The following PCDH9 variants were observed in gnomAD, a reference collection of about 807,000 sequenced individuals.
PCDH9 encodes protocadherin-9.
A neutral mutation model predicts 70.6 loss-of-function variants in PCDH9; 24 were observed. That is an observed-to-expected ratio of 0.34 (90% CI 0.25 to 0.48). The LOEUF (loss-of-function observed/expected upper bound fraction) is 0.48, where lower values mean the gene tolerates loss of function less well. PCDH9 is among the 20% of genes least tolerant of loss of function. The pLI is 0.99. For missense variants in PCDH9, 1,281 were observed against 1,503.6 expected (o/e 0.85, Z 2.45); for synonymous variants, 562 against 558.5 (o/e 1.01, Z -0.09).
At chr13:67,157,561 C>T (rs1293346867) in intron 2 of PCDH9, among the ~76,000 whole-genome samples, 1 of 152,140 alleles carries the variant, frequency 6.6e-6, no homozygotes, top group African/African-American at 2.4e-5. Context: ...GTGAACTGTA[C>T]TGACTCTCAC....
At chr13:66,312,248 A>G (rs1955574409) in intron 4 of PCDH9, among the ~76,000 whole-genome samples, 2 of 152,162 alleles carry the variant, frequency 1.3e-5, no homozygotes, top group Admixed American at 6.6e-5. Flanking sequence ...ATTAAATATC[A>G]TTGTGGTTTG....
At position 66,491,385 on chromosome 13, in the gene PCDH9, T is replaced by TTGTGTGTGTGTGTGTGTGTGTGTG. The variant is rs71106974; in HGVS notation, c.3340+139801_3340+139824dup. ...GTGTGTTGGGTGAGGGCAGGAGATA[T>TTGTGTGTGTGTGTGTGTGTGTGTG]TGTGTGTGTGTGTGTGTGTGTGTGT... On this transcript the variant is annotated intron_variant, in intron 4 of 4. Transcript: ENST00000377865. Among the ~76,000 whole-genome samples the TTGTGTGTGTGTGTGTGTGTGTGTG allele has an allele frequency of 2.5e-3, 339 of 136,120 alleles. 3 individuals carry two copies. Among genetic ancestry groups the TTGTGTGTGTGTGTGTGTGTGTGTG allele is most frequent in the East Asian group, 5.6e-3 (25 of 4,456 alleles). The allele number at this position is 136,120 out of a possible 152,430, so 89.3% of individuals were successfully genotyped here. A position where few individuals can be genotyped will look rare whatever the true frequency, so the allele number is the denominator to read the frequency against.
At chr13:66,609,164 A>T (rs2077260259) in intron 4 of PCDH9, among the ~76,000 whole-genome samples, 1 of 152,204 alleles carries the variant, frequency 6.6e-6, no homozygotes, top group African/African-American at 2.4e-5. Context: ...AAAAGAAGTA[A>T]ATGACACACA....
chr13:67,024,973 T>C (rs994802695), intron 2 of PCDH9, among the ~76,000 whole-genome samples: 7 of 152,106 alleles, frequency 4.6e-5, no homozygotes, highest in African/African-American at 1.7e-4. Context: ...CCAATATGTA[T>C]GTCACAAGTA....
chr13:67,142,366 C>T (rs763231447), intron 2 of PCDH9, among the ~76,000 whole-genome samples: 9 of 152,104 alleles, frequency 5.9e-5, no homozygotes, highest in Non-Finnish European at 1.0e-4. Context: ...AGGGCTCAAA[C>T]TGACTCTATA....
intron 2 of PCDH9, among the ~76,000 whole-genome samples, chr13:67,124,482 G>C (rs1373161999): frequency 6.6e-6 from 1 of 152,108 alleles, no homozygotes; most frequent in Non-Finnish European, 1.5e-5. Flanking sequence ...GGATTAGAAA[G>C]GCATGCTAAA....
chr13:67,219,665 T>C (rs1231373950), intron 2 of PCDH9: 6 of 152,084 alleles, frequency 3.9e-5, no homozygotes, highest in African/African-American at 1.4e-4. Flanking sequence ...CATATTTTAA[T>C]AAATCTGATA....
chr13:66,738,922 A>G (rs1422878499), intron 3 of PCDH9, among the ~76,000 whole-genome samples: 1 of 144,698 alleles, frequency 6.9e-6, no homozygotes, highest in Non-Finnish European at 1.5e-5. Flanking sequence ...ACTCTACAGG[A>G]TATTATCCAG....
chr13:67,043,406 G>C (rs1279461723), intron 2 of PCDH9, among the ~76,000 whole-genome samples: 3 of 152,132 alleles, frequency 2.0e-5, no homozygotes, highest in Admixed American at 2.0e-4. Context: ...AAGATGTAGT[G>C]ATCGGTGGGA....
At chr13:67,023,151 T>C (rs772371894) in intron 2 of PCDH9, among the ~76,000 whole-genome samples, 1 of 146,632 alleles carries the variant, frequency 6.8e-6, no homozygotes, top group Admixed American at 6.8e-5. Context: ...ATCATGAAAA[T>C]CCTTTTTTTT....
intron 2 of PCDH9, among the ~76,000 whole-genome samples, chr13:66,940,445 AG>A (rs1275089356): frequency 6.6e-6 from 1 of 152,126 alleles, no homozygotes; most frequent in Non-Finnish European, 1.5e-5. Context: ...GAGCAATTTG[AG>A]GTGATGATTA....
intron 2 of PCDH9, among the ~76,000 whole-genome samples, chr13:67,033,353 G>A (rs2084944640): frequency 6.6e-6 from 1 of 152,122 alleles, no homozygotes; most frequent in African/African-American, 2.4e-5. Flanking sequence ...TTACCTATTG[G>A]TCAGGAAGTG....
Position 67,226,379 on chromosome 13 carries a change from G to T in PCDH9, c.2062C>A (p.Pro688Thr). The T allele has an allele frequency of 6.2e-7, 1 of 1,614,176 alleles. No homozygotes were observed. Among genetic ancestry groups the T allele is most frequent in the Middle Eastern group, 1.6e-4 (1 of 6,062 alleles). Reference sequence around the variant, plus strand: ...ACGGAGCCAGGAATGGCTGAGAGGGGCACCAACTTAAAGGAAGTATTAGAC... The same window carrying T: ...ACGGAGCCAGGAATGGCTGAGAGGGTCACCAACTTAAAGGAAGTATTAGAC... ...PPSNTSFKLVPLSAIPGSVVA... is the reference protein window; with the variant it reads ...PPSNTSFKLVTLSAIPGSVVA... Residue 688 changes from proline to threonine, a missense_variant, in exon 2 of 5, where the codon CCC becomes ACC. Physicochemically the swap from Pro to Thr is conservative, Grantham distance 38 (BLOSUM62 -1). Coordinates refer to ENST00000377865, the MANE Select transcript of PCDH9 (RefSeq NM_203487.3). This position sits in a 1 kb window ranked among gnomAD's most constrained non-coding sequence, Gnocchi z 5.0.
chr13:66,443,720 A>G (rs1238821622), intron 4 of PCDH9, among the ~76,000 whole-genome samples: 1 of 152,146 alleles, frequency 6.6e-6, no homozygotes, highest in South Asian at 2.1e-4. Context: ...TTATTCTGGA[A>G]TTTTAAGCAA....
At chr13:66,962,509 G>T (rs894578618) in intron 2 of PCDH9, among the ~76,000 whole-genome samples, 3 of 152,220 alleles carry the variant, frequency 2.0e-5, no homozygotes, top group Non-Finnish European at 4.4e-5. Flanking sequence ...AGATGGGATA[G>T]CCCACTATAT....
At chr13:67,155,628 C>T (rs138895677) in intron 2 of PCDH9, among the ~76,000 whole-genome samples, 34 of 152,110 alleles carry the variant, frequency 2.2e-4, no homozygotes, top group African/African-American at 7.7e-4. Context: ...CCTCCTTTTC[C>T]CTCTGTGTTT....
chr13:66,521,766 C>T (rs1362175839), intron 4 of PCDH9, among the ~76,000 whole-genome samples: 7 of 151,982 alleles, frequency 4.6e-5, no homozygotes, highest in Non-Finnish European at 7.4e-5. Context: ...ATACAGGATA[C>T]GACAATTCAC....
chr13:67,100,417 G>C (rs940959109), intron 2 of PCDH9, among the ~76,000 whole-genome samples: 3 of 152,120 alleles, frequency 2.0e-5, no homozygotes, highest in African/African-American at 7.2e-5. Context: ...AAACATATGT[G>C]TAAAGTGCAG....
chr13:66,516,854 G>A (rs749099431), intron 4 of PCDH9, among the ~76,000 whole-genome samples: 15 of 151,994 alleles, frequency 9.9e-5, no homozygotes, highest in Non-Finnish European at 1.8e-4. Context: ...TCTCAATTAA[G>A]AATATCTTTC....
Sources: gnomAD v4.1 joint callset for allele counts (sites outside exome capture counted in the v4.1 genomes callset) on GRCh38, gnomAD v4.1.1 for gene constraint, Gnocchi (gnomAD v3.1) non-coding constraint, MANE v1.5 for transcripts, NCBI Gene and HGNC (gene_info 2026-07-23, HGNC 2026-07-21) for gene names.